PLXNC1: variants seen among roughly 807,000 people sequenced by gnomAD.
PLXNC1 encodes the protein plexin-C1.
Under a neutral mutation model 178.2 loss-of-function variants are expected in PLXNC1, and 75 were observed. That is an observed-to-expected ratio of 0.42 (90% confidence interval 0.35 to 0.51). The LOEUF is 0.51. Among genes scored for constraint, PLXNC1 ranks in the 20% least tolerant of loss-of-function variants. The pLI is 0.02. For missense variants in PLXNC1, 1,503 were observed against 1,984.4 expected (o/e 0.76, Z 4.61); for synonymous variants, 790 against 779.9 (o/e 1.01, Z -0.22).
chr12:94,177,185 A>ATG (rs1201622089), intron 2 of PLXNC1, among the ~76,000 whole-genome samples: 2 of 32,780 alleles, frequency 6.1e-5, no homozygotes, highest in Middle Eastern at 8.9e-3. Context: ...ACGTATATAT[A>ATG]TGTATATATA....
chr12:94,173,228 G>A (rs904004439), intron 2 of PLXNC1, among the ~76,000 whole-genome samples: 3 of 152,142 alleles, frequency 2.0e-5, no homozygotes, highest in African/African-American at 7.2e-5. Context: ...AACACACACC[G>A]AGTCTTTCTC....
At chr12:94,271,700 C>A (rs557826752) in intron 21 of PLXNC1, among the ~76,000 whole-genome samples, 1 of 152,234 alleles carries the variant, frequency 6.6e-6, no homozygotes. Flanking sequence ...ACATGTACCA[C>A]GTCTAGCCAT....
At chr12:94,295,324 T>C (rs1967796910) in intron 24 of PLXNC1, among the ~76,000 whole-genome samples, 1 of 152,194 alleles carries the variant, frequency 6.6e-6, no homozygotes, top group South Asian at 2.1e-4. Flanking sequence ...TAGGACTCCT[T>C]TGGGGAAACC....
intron 11 of PLXNC1, among the ~76,000 whole-genome samples, chr12:94,241,223 A>C (rs1032194904): frequency 9.9e-5 from 15 of 152,102 alleles, no homozygotes; most frequent in African/African-American, 3.6e-4. Flanking sequence ...TTGCATTTTC[A>C]TGGGTACATA....
intron 23 of PLXNC1, among the ~76,000 whole-genome samples, chr12:94,288,853 G>C (rs529139627): frequency 6.6e-6 from 1 of 152,196 alleles, no homozygotes; most frequent in Non-Finnish European, 1.5e-5. Context: ...CAGCAGAAAA[G>C]GTGATTTCAG....
intron 23 of PLXNC1, among the ~76,000 whole-genome samples, chr12:94,284,570 CCCCATTCTAT>C (rs1966705625): frequency 6.6e-6 from 1 of 152,090 alleles, no homozygotes; most frequent in South Asian, 2.1e-4. Context: ...CAGTATTTCG[CCCCATTCTAT>C]CCTATAGCAG....
chr12:94,274,473 G>A (rs1326561582), intron 21 of PLXNC1, among the ~76,000 whole-genome samples: 1 of 152,160 alleles, frequency 6.6e-6, no homozygotes, highest in Non-Finnish European at 1.5e-5. Context: ...TGCAGACCTG[G>A]CCTTTGTTAG....
intron 23 of PLXNC1, among the ~76,000 whole-genome samples, chr12:94,283,783 C>G (rs114697502): frequency 6.6e-6 from 1 of 152,106 alleles, no homozygotes; most frequent in African/African-American, 2.4e-5. Context: ...ACCAGCTGAT[C>G]CATCAAGAGC....
At chr12:94,301,180 G>C (rs997273472) in intron 28 of PLXNC1, 123 bp downstream of exon 28, 2 of 633,264 alleles carry the variant, frequency 3.2e-6, no homozygotes, top group South Asian at 8.9e-5. Flanking sequence ...GAGATAGCAA[G>C]GGCCACTGTC....
At chr12:94,243,891 C>A in intron 11 of PLXNC1, 47 bp from the exon 12 acceptor site, 1 of 884,426 alleles carries the variant, frequency 1.1e-6, no homozygotes, top group Non-Finnish European at 1.8e-6. Context: ...TGCAAAATGC[C>A]TGTGTGTTAG....
At chr12:94,182,896 T>TATC (rs1962374429) in intron 3 of PLXNC1, among the ~76,000 whole-genome samples, 1 of 151,812 alleles carries the variant, frequency 6.6e-6, no homozygotes, top group African/African-American at 2.4e-5. Flanking sequence ...TCTATCTATC[T>TATC]ATCTATCTAT....
At chr12:94,209,202 T>C (rs896497893) in intron 4 of PLXNC1, among the ~76,000 whole-genome samples, 3 of 152,228 alleles carry the variant, frequency 2.0e-5, no homozygotes, top group South Asian at 2.1e-4. Context: ...CTAAAATTTA[T>C]ACAATATGTG....
At chr12:94,175,795 CA>C (rs1962030149) in intron 2 of PLXNC1, among the ~76,000 whole-genome samples, 1 of 152,016 alleles carries the variant, frequency 6.6e-6, no homozygotes, top group Admixed American at 6.5e-5. Flanking sequence ...CAAAGGTGAA[CA>C]AAACAGACAA....
chr12:94,222,236 C>A (rs73364699), intron 6 of PLXNC1, among the ~76,000 whole-genome samples: 2,965 of 152,268 alleles, frequency 0.019, 95 homozygotes, highest in African/African-American at 0.067. Flanking sequence ...TTGCTTTTAG[C>A]GCCTCCATCC....
chr12:94,183,815 A>G (rs78282824), intron 3 of PLXNC1, among the ~76,000 whole-genome samples: 2,869 of 152,292 alleles, frequency 0.019, 38 homozygotes, highest in Non-Finnish European at 0.029. Context: ...TCCTGGGAAG[A>G]GTTTTTGACT....
At position 94,237,705 on chromosome 12, in the gene PLXNC1, A is replaced by G. The variant is rs1231361388; in HGVS notation, c.2022A>G (p.Thr674=). ...IKSIEPQKVS[T]LGKSNVIVTG... is the part of the protein sequence containing the mutation. ...CCATTGAGCCACAGAAAGTATCGACATTAGGGAAAAGCAACGTGATAGTAA... is the reference window on the plus strand; with the variant it reads ...CCATTGAGCCACAGAAAGTATCGACGTTAGGGAAAAGCAACGTGATAGTAA... The change falls in exon 10 of 31, where the codon ACA becomes ACG. Residue 674 remains threonine (T), a synonymous_variant. Coordinates refer to ENST00000258526, the MANE Select transcript of PLXNC1 (RefSeq NM_005761.3). 6.2e-7 allele frequency: 1 copy of G among 1,613,946 alleles called. No homozygotes were observed. The highest frequency in any genetic ancestry group is 8.5e-7 in the Non-Finnish European group (1 of 1,179,844).
At chr12:94,159,214 C>T (rs555174615) in intron 1 of PLXNC1, among the ~76,000 whole-genome samples, 1 of 152,322 alleles carries the variant, frequency 6.6e-6, no homozygotes, top group African/African-American at 2.4e-5. Flanking sequence ...CTAAAATTTA[C>T]AGCTCACCTA....
intron 1 of PLXNC1, among the ~76,000 whole-genome samples, chr12:94,166,791 A>C (rs1961631237): frequency 6.6e-6 from 1 of 151,566 alleles, no homozygotes; most frequent in Non-Finnish European, 1.5e-5. Context: ...TTTTAAGGTA[A>C]GGTCTCACTT....
chr12:94,199,600 C>T (rs2135987740), intron 4 of PLXNC1, among the ~76,000 whole-genome samples: 1 of 152,232 alleles, frequency 6.6e-6, no homozygotes, highest in African/African-American at 2.4e-5. Flanking sequence ...TGGGGGTCAA[C>T]CTGTGTCCTG....
Sources: allele counts gnomAD v4.1 joint callset (sites outside exome capture counted in the v4.1 genomes callset), GRCh38; gene constraint gnomAD v4.1.1; transcripts MANE v1.5; gene names NCBI Gene and HGNC (gene_info 2026-07-23, HGNC 2026-07-21).